The following FSTL4 variants were observed in gnomAD, a reference collection of about 807,000 sequenced individuals.
FSTL4 encodes follistatin-related protein 4.
Under a neutral mutation model 78.2 loss-of-function variants are expected in FSTL4, and 28 were observed. The ratio of observed to expected loss-of-function variants is 0.36; its 90% CI spans 0.27 to 0.49. The LOEUF (loss-of-function observed/expected upper bound fraction) is 0.49. Among genes scored for constraint, FSTL4 ranks in the 20% least tolerant of loss-of-function variants. FSTL4 has a pLI of 0.98. For missense variants in FSTL4, 922 were observed against 1,084.9 expected (o/e 0.85, Z 2.11); for synonymous variants, 422 against 440.5 (o/e 0.96, Z 0.53).
chr5:133,316,645 C>T lies in FSTL4; in HGVS notation c.417G>A (p.Thr139=), dbSNP rs368429451. 61 of 1,607,312 alleles carry T rather than the reference C, an allele frequency of 3.8e-5. No homozygotes were observed. In the Middle Eastern group the frequency reaches 4.9e-4, roughly 13 times the overall value. The change falls in exon 5 of 16, where the codon ACG becomes ACA. Residue 139 remains threonine (T), a synonymous_variant. Coordinates refer to ENST00000265342, the MANE Select transcript of FSTL4 (RefSeq NM_015082.2). ...HSKDCFLKGD[T]CTMAGYARLK... ...AGCGGGCGTAGCCGGCCATGGTGCA[C>T]GTGTCACCTGAAAGAGAAGGTGAGG...
chr5:133,777,310 T>C, the FSTL4 span, among the ~76,000 whole-genome samples: 2 of 152,204 alleles, frequency 1.3e-5, no homozygotes, highest in African/African-American at 4.8e-5. Flanking sequence ...TGTTATACAG[T>C]ATGCTTATGT....
At chr5:133,538,993 T>C (rs1038897778) in intron 3 of FSTL4, among the ~76,000 whole-genome samples, 10 of 152,158 alleles carry the variant, frequency 6.6e-5, no homozygotes, top group African/African-American at 1.2e-4. Context: ...CTTCACAAGA[T>C]GGTAACCTCA....
chr5:133,634,019 G>C, the FSTL4 span, among the ~76,000 whole-genome samples: 6 of 152,134 alleles, frequency 3.9e-5, no homozygotes, highest in Non-Finnish European at 5.9e-5. Flanking sequence ...GGTGGTGGGA[G>C]AGTGGCCTTG....
chr5:133,500,054 C>T (rs1166822785), intron 3 of FSTL4, among the ~76,000 whole-genome samples: 1 of 152,088 alleles, frequency 6.6e-6, no homozygotes, highest in Non-Finnish European at 1.5e-5. Context: ...AGCATTGAAT[C>T]AATATTTGCT....
intron 6 of FSTL4, among the ~76,000 whole-genome samples, chr5:133,252,762 C>T (rs892265869): frequency 1.4e-4 from 21 of 152,032 alleles, no homozygotes; most frequent in Admixed American, 1.1e-3. Context: ...ATATTCCAAG[C>T]GGCTCTAGAG....
At chr5:133,748,586 A>G in the FSTL4 span, among the ~76,000 whole-genome samples, 3 of 151,768 alleles carry the variant, frequency 2.0e-5, no homozygotes, top group Non-Finnish European at 2.9e-5. Flanking sequence ...CACACACACA[A>G]AATAAGACAA....
At chr5:133,207,798 A>T (rs1750574600) in intron 14 of FSTL4, 1 of 152,172 alleles carries the variant, frequency 6.6e-6, no homozygotes, top group African/African-American at 2.4e-5. Flanking sequence ...CAGGTGCGTC[A>T]GCACACCTGG....
intron 3 of FSTL4, among the ~76,000 whole-genome samples, chr5:133,560,452 C>T (rs765789901): frequency 6.6e-6 from 1 of 151,156 alleles, no homozygotes; most frequent in Non-Finnish European, 1.5e-5. Flanking sequence ...TCACTGCAAC[C>T]TCTGCCTCCT....
At chr5:133,375,177 A>G (rs1755399257) in intron 4 of FSTL4, among the ~76,000 whole-genome samples, 1 of 151,016 alleles carries the variant, frequency 6.6e-6, no homozygotes, top group African/African-American at 2.4e-5. Flanking sequence ...ACTCTTGAGC[A>G]CCCATTACCT....
chr5:133,230,696 C>T (rs1751468002), intron 8 of FSTL4, among the ~76,000 whole-genome samples: 1 of 152,134 alleles, frequency 6.6e-6, no homozygotes, highest in African/African-American at 2.4e-5. Context: ...CCCAGTTTTG[C>T]CCCAACTCTC....
At chr5:133,819,597 G>A in the FSTL4 span, among the ~76,000 whole-genome samples, 3 of 152,300 alleles carry the variant, frequency 2.0e-5, no homozygotes, top group East Asian at 1.9e-4. Context: ...CGTTGGAGGC[G>A]CAGGCAGGTT....
At chr5:133,744,312 C>T in the FSTL4 span, among the ~76,000 whole-genome samples, 1 of 152,208 alleles carries the variant, frequency 6.6e-6, no homozygotes, top group African/African-American at 2.4e-5. Context: ...ACTCGTTCCT[C>T]TAAGACCCCA....
At chr5:133,620,149 A>C in the FSTL4 span, among the ~76,000 whole-genome samples, 1 of 152,238 alleles carries the variant, frequency 6.6e-6, no homozygotes, top group Non-Finnish European at 1.5e-5. Context: ...CAGTGCCTCA[A>C]GTGTAGGCAA....
chr5:133,396,834 TTTC>T (rs2126967850), intron 4 of FSTL4, among the ~76,000 whole-genome samples: 1 of 152,320 alleles, frequency 6.6e-6, no homozygotes, highest in African/African-American at 2.4e-5. Context: ...GAAAAAAAGA[TTTC>T]TTAGTGAGCC....
At chr5:133,341,568 C>G (rs1432440776) in intron 4 of FSTL4, among the ~76,000 whole-genome samples, 1 of 152,282 alleles carries the variant, frequency 6.6e-6, no homozygotes, top group East Asian at 1.9e-4. Flanking sequence ...CCTTCCCCCT[C>G]TCTGTCTGGT....
At chr5:133,717,927 A>G in the FSTL4 span, among the ~76,000 whole-genome samples, 2 of 152,206 alleles carry the variant, frequency 1.3e-5, no homozygotes, top group Non-Finnish European at 2.9e-5. Flanking sequence ...TCACTTGGGT[A>G]AATACCTAGA....
Position 133,440,503 on chromosome 5 carries a change from G to A in FSTL4, c.161-39517C>T, listed in dbSNP as rs1757130203. On this transcript the variant is annotated intron_variant, in intron 3 of 15. Coordinates refer to ENST00000265342, the MANE Select transcript of FSTL4 (RefSeq NM_015082.2). This position sits in a 1 kb window ranked among gnomAD's most constrained non-coding sequence, Gnocchi z 4.1. ...CTTATGGCAATGTCAGGCTTGAGCT[G>A]AGACTTTAAATTCAACTTCCTGGGA... is the stretch of plus-strand genomic sequence containing the variant. Among the ~76,000 whole-genome samples the A allele has an allele frequency of 1.3e-5, 2 of 152,208 alleles. No homozygotes were observed. The highest frequency in any genetic ancestry group is 4.1e-4 in the South Asian group (2 of 4,832).
rs141482395 is a variant in FSTL4 at position 133,465,048 on chromosome 5, T to G, written c.161-64062A>C. Among the ~76,000 whole-genome samples, 92 of 152,304 alleles carry G rather than the reference T, an allele frequency of 6.0e-4. 2 individuals are homozygous for G. In the East Asian group the frequency reaches 0.014, roughly 24 times the overall value. ...AATTGATTCATGCATGCAGTCACTTTGTATTTACTCTCTCTCTCTCCTCAT... is the reference window on the plus strand; with the variant it reads ...AATTGATTCATGCATGCAGTCACTTGGTATTTACTCTCTCTCTCTCCTCAT... On this transcript the variant is annotated intron_variant, in intron 3 of 15. Coordinates refer to ENST00000265342, the MANE Select transcript of FSTL4 (RefSeq NM_015082.2).
intron 2 of FSTL4, among the ~76,000 whole-genome samples, chr5:133,582,014 G>C (rs1413718194): frequency 6.6e-6 from 1 of 152,232 alleles, no homozygotes; most frequent in African/African-American, 2.4e-5. Context: ...CTTCGTAACA[G>C]AGGGTATCAG....
Sources: allele counts gnomAD v4.1 joint callset (sites outside exome capture counted in the v4.1 genomes callset), GRCh38; gene constraint gnomAD v4.1.1; non-coding constraint Gnocchi (gnomAD v3.1); transcripts MANE v1.5; gene names NCBI Gene and HGNC (gene_info 2026-07-23, HGNC 2026-07-21).